The following TANC1 variants were observed in gnomAD, a reference collection of about 807,000 sequenced individuals.
TANC1 encodes tetratricopeptide repeat, ankyrin repeat and coiled-coil containing 1, also known as protein TANC1.
A neutral mutation model predicts 149.7 loss-of-function variants in TANC1; 77 were observed. The observed-to-expected ratio is 0.51, with a 90% CI of 0.43 to 0.62. The LOEUF (loss-of-function observed/expected upper bound fraction) is 0.62. Ranked by LOEUF, TANC1 falls within the 20% of genes least tolerant of loss-of-function variation. The pLI is 0.00. For synonymous variants in TANC1, 854 were observed against 925.0 expected, an observed-to-expected ratio of 0.92 and a Z score of 1.39; for missense variants, 1,985 against 2,321.8, an observed-to-expected ratio of 0.85 and a Z score of 2.98.
At chr2:159,069,744 C>A (rs1263093483) in intron 3 of TANC1, among the ~76,000 whole-genome samples, 1 of 148,140 alleles carries the variant, frequency 6.8e-6, no homozygotes, top group Non-Finnish European at 1.5e-5. Context: ...CTTTATCAAC[C>A]TAAGAAGAAA....
At chr2:159,076,086 C>T (rs930721366) in intron 3 of TANC1, among the ~76,000 whole-genome samples, 1 of 152,130 alleles carries the variant, frequency 6.6e-6, no homozygotes, top group African/African-American at 2.4e-5. Context: ...ATTTATTGCT[C>T]TGTTACATTT....
chr2:159,081,587 A>G (rs1029088245), intron 3 of TANC1, among the ~76,000 whole-genome samples: 1 of 152,068 alleles, frequency 6.6e-6, no homozygotes, highest in Non-Finnish European at 1.5e-5. Context: ...AAAACGGGCA[A>G]CTGTATTGTG....
At chr2:159,094,485 A>G (rs1260862284) in intron 3 of TANC1, among the ~76,000 whole-genome samples, 1 of 152,092 alleles carries the variant, frequency 6.6e-6, no homozygotes, top group African/African-American at 2.4e-5. Context: ...GAAAACAACC[A>G]TCCCTCAGCT....
At chr2:159,184,881 C>CA (rs2056829677) in intron 14 of TANC1, among the ~76,000 whole-genome samples, 1 of 152,184 alleles carries the variant, frequency 6.6e-6, no homozygotes, top group Admixed American at 6.5e-5. Context: ...TGGCCTCCAT[C>CA]TGCCTTGATT....
chr2:159,099,414 A>G (rs1227270382), intron 4 of TANC1, among the ~76,000 whole-genome samples: 1 of 152,096 alleles, frequency 6.6e-6, no homozygotes, highest in East Asian at 1.9e-4. Flanking sequence ...ACTCTTCCCA[A>G]AAAGTATGCA....
At chr2:159,041,998 T>C (rs780100577) in intron 2 of TANC1, among the ~76,000 whole-genome samples, 5 of 152,174 alleles carry the variant, frequency 3.3e-5, no homozygotes, top group Non-Finnish European at 5.9e-5. Context: ...CTGGTTCATG[T>C]AGGGTTCTCC....
intron 3 of TANC1, among the ~76,000 whole-genome samples, chr2:159,068,737 T>C (rs2042886469): frequency 6.6e-6 from 1 of 152,240 alleles, no homozygotes; most frequent in African/African-American, 2.4e-5. Flanking sequence ...TCTTATTCTT[T>C]TGAGACAGCC....
chr2:159,220,693 A>G (rs1252709870), intron 22 of TANC1, among the ~76,000 whole-genome samples: 2 of 151,094 alleles, frequency 1.3e-5, no homozygotes, highest in Non-Finnish European at 3.0e-5. Flanking sequence ...TGGTCTCAAG[A>G]GGTCCTCCCA....
chr2:159,051,468 A>G (rs529327272), intron 2 of TANC1, among the ~76,000 whole-genome samples: 8 of 152,220 alleles, frequency 5.3e-5, no homozygotes, highest in South Asian at 4.1e-4. Context: ...TAAGAGCTTT[A>G]ATTGAATCTT....
At chr2:159,082,077 T>G (rs2044330450) in intron 3 of TANC1, among the ~76,000 whole-genome samples, 1 of 152,252 alleles carries the variant, frequency 6.6e-6, no homozygotes, top group Non-Finnish European at 1.5e-5. Context: ...CTGCCCCATC[T>G]GGGGGTGCCC....
chr2:159,200,640 T>C (rs2058179417), intron 19 of TANC1, among the ~76,000 whole-genome samples: 1 of 152,222 alleles, frequency 6.6e-6, no homozygotes, highest in Non-Finnish European at 1.5e-5. Flanking sequence ...AATCAGTTGA[T>C]GGCTAAAGAC....
At chr2:159,042,014 G>C (rs1305187213) in intron 2 of TANC1, among the ~76,000 whole-genome samples, 1 of 152,152 alleles carries the variant, frequency 6.6e-6, no homozygotes, top group Non-Finnish European at 1.5e-5. Flanking sequence ...TCTCCTCTGT[G>C]CTTGGCTCAA....
intron 14 of TANC1, among the ~76,000 whole-genome samples, chr2:159,181,335 G>A (rs1575124867): frequency 6.7e-6 from 1 of 148,742 alleles, no homozygotes. Flanking sequence ...TCTCGCTGTC[G>A]CCCAGGCTAG....
Position 159,179,286 on chromosome 2 carries a change from T to C in TANC1, c.2510+123T>C, listed in dbSNP as rs182599389. ...TCCAGAATGACTAATTCAGTGTTAC[T>C]GCTTTGTTTTATTATTTTTCTTCCT... On this transcript the variant is annotated intron_variant, in intron 14 of 26. Coordinates refer to ENST00000263635, the MANE Select transcript of TANC1 (RefSeq NM_033394.3). 4.9e-5 allele frequency: 64 copies of C among 1,309,358 alleles called. No individual in the cohort carries two copies. In the African/African-American group the frequency reaches 8.6e-4, roughly 18 times the overall value. The allele number at this position is 1,309,358 out of a possible 1,614,324, so 81.1% of individuals were successfully genotyped here.
At chr2:159,033,021 A>G (rs1375208275) in intron 2 of TANC1, among the ~76,000 whole-genome samples, 1 of 152,216 alleles carries the variant, frequency 6.6e-6, no homozygotes, top group Non-Finnish European at 1.5e-5. Flanking sequence ...AGGAAGACCC[A>G]GGGCTGAGCA....
At position 159,023,758 on chromosome 2, in the gene TANC1, G is replaced by C. The variant is rs538353467; in HGVS notation, c.-16+22569G>C. 5.9e-5 allele frequency among the ~76,000 whole-genome samples: 9 copies of C among 152,200 alleles called. No individual in the cohort carries two copies. In the South Asian group the frequency reaches 1.9e-3, roughly 32 times the overall value. On this transcript the variant is annotated intron_variant, in intron 2 of 26. Coordinates refer to ENST00000263635, the MANE Select transcript of TANC1 (RefSeq NM_033394.3). ...GAGGTGGGTGGATCACCTGAGGTCA[G>C]GAGTTTGAGACCAGCCTGACCAACA...
At chr2:159,123,465 G>A (rs1026273539) in intron 4 of TANC1, among the ~76,000 whole-genome samples, 2 of 151,988 alleles carry the variant, frequency 1.3e-5, no homozygotes, top group Admixed American at 6.6e-5. Flanking sequence ...AAGGGACTGG[G>A]CTGGGACCCA....
intron 2 of TANC1, among the ~76,000 whole-genome samples, chr2:159,051,651 T>G (rs1431837959): frequency 4.9e-5 from 7 of 142,964 alleles, no homozygotes; most frequent in East Asian, 2.1e-4. Context: ...GAAGTGGTGT[T>G]TGTGTGTGTG....
intron 5 of TANC1, chr2:159,147,944 T>G (rs192238426): frequency 3.9e-5 from 6 of 152,238 alleles, no homozygotes; most frequent in African/African-American, 1.4e-4. Context: ...GCAAAAGCTC[T>G]GCTTATTTTG....
Sources: gnomAD v4.1 joint callset for allele counts (sites outside exome capture counted in the v4.1 genomes callset) on GRCh38, gnomAD v4.1.1 for gene constraint, MANE v1.5 for transcripts, NCBI Gene and HGNC (gene_info 2026-07-23, HGNC 2026-07-21) for gene names.